The following PTPN18 variants were observed in gnomAD, a reference collection of about 807,000 sequenced individuals.
The protein encoded by PTPN18 is protein tyrosine phosphatase non-receptor type 18, also known as tyrosine-protein phosphatase non-receptor type 18.
In PTPN18, 65 loss-of-function variants were observed where a neutral mutation model predicts 65.4. That is an observed-to-expected ratio of 0.99 (90% CI 0.81 to 1.22). PTPN18 has a LOEUF of 1.22. Ranked by LOEUF, PTPN18 falls within the 50% of genes most tolerant of loss-of-function variation. The pLI is 0.00. For missense variants in PTPN18, 616 were observed against 646.5 expected (o/e 0.95, Z 0.51); for synonymous variants, 255 against 267.8 (o/e 0.95, Z 0.47).
At chr2:130,358,462 T>C (rs1680064239) in intron 1 of PTPN18, among the ~76,000 whole-genome samples, 1 of 152,184 alleles carries the variant, frequency 6.6e-6, no homozygotes, top group Admixed American at 6.5e-5. Context: ...CAGTTATTGC[T>C]TACAAGACAA....
chr2:130,374,491 A>G lies in PTPN18; in HGVS notation c.*1267A>G, dbSNP rs1302065390. On this transcript the variant is annotated 3_prime_UTR_variant, in exon 15 of 15. Transcript: ENST00000175756. ...CCCCCTAAGATTTGAAACACTTTAA[A>G]TGGCCCATGGTAGGGTTCCTGCTAG... 1 of 374,998 alleles carries G rather than the reference A, an allele frequency of 2.7e-6. No individual in the cohort carries two copies. Among genetic ancestry groups the G allele is most frequent in the East Asian group, 7.4e-5 (1 of 13,574 alleles). The allele number at this position is 374,998 out of a possible 1,614,324, so 23.2% of individuals were successfully genotyped here.
chr2:130,367,471 C>T lies in PTPN18; in HGVS notation c.415-1662C>T, dbSNP rs149453046. Among the ~76,000 whole-genome samples, 813 of 152,010 alleles carry T rather than the reference C, an allele frequency of 5.3e-3. 4 individuals are homozygous for T. Among genetic ancestry groups the T allele is most frequent in the African/African-American group, 0.018 (758 of 41,428 alleles). The stretch of plus-strand genomic sequence containing the variant: ...GGTGTATCACTTGAGGTCAGGAGTT[C>T]GAGACCAGCCCGGCCAACCTGGTGA... On this transcript the variant is annotated intron_variant, in intron 5 of 14. Coordinates refer to ENST00000175756, the MANE Select transcript of PTPN18 (RefSeq NM_014369.4).
Position 130,356,587 on chromosome 2 carries a change from C to T in PTPN18, c.93+387C>T, listed in dbSNP as rs866052212. 5 of 482,462 alleles carry T rather than the reference C, an allele frequency of 1.0e-5. No individual in the cohort carries two copies. In the Middle Eastern group the frequency reaches 1.3e-3, roughly 128 times the overall value. The allele number at this position is 482,462 out of a possible 1,614,324, so 29.9% of individuals were successfully genotyped here. A position where few individuals can be genotyped will look rare whatever the true frequency, so the allele number is the denominator to read the frequency against. ...GCCGCTTCTGGCGACCTGACTGTCC[C>T]CTGTGACCACAGGAAGGAAGGGGCT... On this transcript the variant is annotated intron_variant, in intron 1 of 14. Coordinates refer to ENST00000175756, the MANE Select transcript of PTPN18 (RefSeq NM_014369.4).
chr2:130,370,575 A>G lies in PTPN18; in HGVS notation c.708A>G (p.Thr236=). The G allele has an allele frequency of 1.2e-6, 2 of 1,614,146 alleles. No individual in the cohort carries two copies. Among genetic ancestry groups the G allele is most frequent in the East Asian group, 4.5e-5 (2 of 44,864 alleles). The change falls in exon 9 of 15, where the codon ACA becomes ACG. Residue 236 remains threonine (T), a synonymous_variant. Transcript: ENST00000175756. ...CVHCSAGCGR[T]GVLCTVDYVR... ...TTGTCAGTGCGGGTTGTGGGCGAACAGGCGTCCTGTGCACCGTGGATTATG... is the reference window on the plus strand; with the variant it reads ...TTGTCAGTGCGGGTTGTGGGCGAACGGGCGTCCTGTGCACCGTGGATTATG...
chr2:130,367,892 C>T (rs376670012), intron 5 of PTPN18, among the ~76,000 whole-genome samples: 4 of 152,100 alleles, frequency 2.6e-5, no homozygotes, highest in South Asian at 2.1e-4. Flanking sequence ...CTGGACTCCA[C>T]GTGCACATAC....
intron 1 of PTPN18, among the ~76,000 whole-genome samples, chr2:130,357,627 C>T (rs540470302): frequency 2.7e-5 from 4 of 149,862 alleles, no homozygotes; most frequent in South Asian, 2.1e-4. Context: ...GAGGCCGAGG[C>T]GGGCGGATCA....
In PTPN18 at chr2:130,370,563, T is replaced by C. The variant is rs139293378; in HGVS notation, c.696T>C (p.Gly232=). ...PEPLCVHCSA[G]CGRTGVLCTV... is the part of the protein sequence containing the mutation. ...ACTCTGATTCTCTTGTCAGTGCGGG[T>C]TGTGGGCGAACAGGCGTCCTGTGCA... Residue 232 remains glycine, a synonymous_variant, in exon 9 of 15, where the codon GGT becomes GGC. Transcript: ENST00000175756. The C allele has an allele frequency of 1.5e-5, 25 of 1,613,912 alleles. No individual in the cohort carries two copies. The highest frequency in any genetic ancestry group is 9.4e-5 in the African/African-American group (7 of 74,864).
At chr2:130,361,510 TTCTCTTTCTTTC>T (rs1351325371) in intron 5 of PTPN18, among the ~76,000 whole-genome samples, 2 of 135,944 alleles carry the variant, frequency 1.5e-5, no homozygotes, top group African/African-American at 2.9e-5. Context: ...TTTCTTTTCT[TTCTCTTTCTTTC>T]TTTCTTTCTT....
At chr2:130,363,284 T>G (rs1680279771) in intron 5 of PTPN18, among the ~76,000 whole-genome samples, 1 of 151,594 alleles carries the variant, frequency 6.6e-6, no homozygotes, top group Non-Finnish European at 1.5e-5. Flanking sequence ...CCGTCTCTAC[T>G]AAAAATACAA....
rs1376222628 is a variant in PTPN18 at position 130,374,510 on chromosome 2, C to T, written c.*1286C>T. ...CTTTAAATGGCCCATGGTAGGGTTC[C>T]TGCTAGGATAAAACATTAAGCGGCT... On this transcript the variant is annotated 3_prime_UTR_variant, in exon 15 of 15. Transcript: ENST00000175756. 1 of 406,946 alleles carries T rather than the reference C, an allele frequency of 2.5e-6. No individual in the cohort carries two copies. Among genetic ancestry groups the T allele is most frequent in the Non-Finnish European group, 5.1e-6 (1 of 197,370 alleles). 25.2% of individuals were successfully genotyped at this position (406,946 alleles called of 1,614,324 possible).
chr2:130,359,845 T>G, intron 5 of PTPN18, 199 bp downstream of exon 5: 1 of 656,234 alleles, frequency 1.5e-6, no homozygotes, highest in African/African-American at 1.8e-5. Flanking sequence ...CCTCTCCTGC[T>G]GGGCTTCCCA....
chr2:130,361,093 G>A (rs541672366), intron 5 of PTPN18, among the ~76,000 whole-genome samples: 1 of 152,254 alleles, frequency 6.6e-6, no homozygotes, highest in South Asian at 2.1e-4. Context: ...TAGGTCAACT[G>A]ACAGACTTTT....
chr2:130,372,450 G>T lies in PTPN18; in HGVS notation c.1207G>T (p.Ala403Ser). The T allele has an allele frequency of 7.3e-7, 1 of 1,369,012 alleles. No individual in the cohort carries two copies. Among genetic ancestry groups the T allele is most frequent in the South Asian group, 1.7e-5 (1 of 58,506 alleles). 84.8% of individuals were successfully genotyped at this position (1,369,012 alleles called of 1,614,324 possible). A position where few individuals can be genotyped will look rare whatever the true frequency, so the allele number is the denominator to read the frequency against. ...TPRAQRPGAH[A>S]EDARGTLPGR... ...GCGCGCCCAGCGACCCGGGGCGCAC[G>T]CGGAGGACGCGAGGGGGACGCTGCC... The change falls in exon 13 of 15, where the codon GCG becomes TCG. Residue 403 changes from alanine to serine, a missense_variant. By Grantham distance (99) the Ala-to-Ser change is moderately conservative. This residue lies in a region of PTPN18 where 368 missense variants were observed against 386.7 expected (regional missense o/e 0.95). Coordinates refer to ENST00000175756, the MANE Select transcript of PTPN18 (RefSeq NM_014369.4).
chr2:130,359,315 G>A lies in PTPN18; in HGVS notation c.279+6G>A, dbSNP rs370815201. 1.6e-5 allele frequency: 26 copies of A among 1,614,204 alleles called. No homozygotes were observed. Among genetic ancestry groups the A allele is most frequent in the Middle Eastern group, 3.3e-4 (2 of 6,062 alleles). On this transcript the variant is annotated splice_donor_region_variant and intron_variant, in intron 3 of 14. Coordinates refer to ENST00000175756, the MANE Select transcript of PTPN18 (RefSeq NM_014369.4). ...TTAATGGCAACTTCATCCGGGTGAG[G>A]GTTGGGGTCACGGAAGGAGGTGGAC...
intron 1 of PTPN18, chr2:130,356,716 C>T: frequency 2.3e-6 from 1 of 439,082 alleles, no homozygotes; most frequent in South Asian, 1.7e-5. Flanking sequence ...CCCGAATCCG[C>T]GTCCCGGCCA....
At chr2:130,357,689 T>C (rs1049637464) in intron 1 of PTPN18, among the ~76,000 whole-genome samples, 3 of 152,078 alleles carry the variant, frequency 2.0e-5, no homozygotes, top group Non-Finnish European at 4.4e-5. Context: ...ACCCCGTCTC[T>C]ACTAAACACA....
In PTPN18 at chr2:130,373,433, G is replaced by A; in HGVS notation, c.*209G>A. 1 of 510,114 alleles carries A rather than the reference G, an allele frequency of 2.0e-6. No homozygotes were observed. Among genetic ancestry groups the A allele is most frequent in the Non-Finnish European group, 3.4e-6 (1 of 290,906 alleles). The allele number at this position is 510,114 out of a possible 1,614,324, so 31.6% of individuals were successfully genotyped here. ...TAGCTAGGGTATAGTGGCTGGTGAG[G>A]CTGCACAGAGCAGATTCAAGAAAGA... is the stretch of plus-strand genomic sequence containing the variant. On this transcript the variant is annotated 3_prime_UTR_variant, in exon 15 of 15. Transcript: ENST00000175756. The surrounding 1 kb of genome is among the most constrained non-coding windows in gnomAD (Gnocchi z 4.1).
chr2:130,362,144 T>C (rs756636691), intron 5 of PTPN18: 5 of 470,794 alleles, frequency 1.1e-5, no homozygotes, highest in East Asian at 1.4e-4. Flanking sequence ...AATTGTTTTT[T>C]ATTTCTTGTA....
At chr2:130,372,730 C>T in intron 13 of PTPN18, 143 bp from the exon 14 acceptor site, 2 of 1,069,632 alleles carry the variant, frequency 1.9e-6, no homozygotes, top group Non-Finnish European at 2.7e-6. Context: ...GGCTGGAGGC[C>T]ACGTCCGGGG....
Sources: allele counts gnomAD v4.1 joint callset (sites outside exome capture counted in the v4.1 genomes callset), GRCh38; gene constraint gnomAD v4.1.1; regional missense constraint gnomAD v4.1.1; non-coding constraint Gnocchi (gnomAD v3.1); transcripts MANE v1.5; gene names NCBI Gene and HGNC (gene_info 2026-07-23, HGNC 2026-07-21).